Variants in CCDC60 observed in about 807,000 individuals in gnomAD.
CCDC60 encodes coiled-coil domain-containing protein 60.
In CCDC60, 54 loss-of-function variants were observed where a neutral mutation model predicts 63.5. The ratio of observed to expected loss-of-function variants is 0.85; its 90% CI spans 0.68 to 1.07. The LOEUF is 1.07. Among genes scored for constraint, CCDC60 ranks in the 50% least tolerant of loss-of-function variants. The pLI is 0.00. For missense variants in CCDC60, 651 were observed against 684.3 expected, an observed-to-expected ratio of 0.95 and a Z score of 0.54; for synonymous variants, 206 against 238.8, an observed-to-expected ratio of 0.86 and a Z score of 1.27.
intron 2 of CCDC60, among the ~76,000 whole-genome samples, chr12:119,445,118 G>GA (rs1950517978): frequency 6.6e-6 from 1 of 152,082 alleles, no homozygotes; most frequent in South Asian, 2.1e-4. Flanking sequence ...AATTTCCCAT[G>GA]AAAATGAGAA....
intron 7 of CCDC60, among the ~76,000 whole-genome samples, chr12:119,509,007 G>C (rs1254169133): frequency 6.6e-6 from 1 of 152,036 alleles, no homozygotes; most frequent in Non-Finnish European, 1.5e-5. Context: ...TTGCAATGAG[G>C]GGAGGGGTAA....
intron 1 of CCDC60, among the ~76,000 whole-genome samples, chr12:119,399,464 T>C (rs1381079164): frequency 6.6e-6 from 1 of 152,230 alleles, no homozygotes; most frequent in East Asian, 1.9e-4. Flanking sequence ...GGCCAATTTC[T>C]TTTTTTCCTT....
At chr12:119,433,365 G>A (rs772052198) in intron 2 of CCDC60, 12 of 700,774 alleles carry the variant, frequency 1.7e-5, no homozygotes, top group African/African-American at 5.2e-5. Flanking sequence ...GAGATTTAAC[G>A]TTCTGCTCGG....
chr12:119,342,716 A>G (rs1454556800), intron 1 of CCDC60, among the ~76,000 whole-genome samples: 1 of 152,230 alleles, frequency 6.6e-6, no homozygotes, highest in African/African-American at 2.4e-5. Flanking sequence ...TAGGCCAAGC[A>G]TGGTTATAGG....
chr12:119,421,637 C>G (rs1956815168), intron 1 of CCDC60, among the ~76,000 whole-genome samples: 1 of 152,116 alleles, frequency 6.6e-6, no homozygotes, highest in African/African-American at 2.4e-5. Flanking sequence ...TGGCATTAGT[C>G]CCATTTCACA....
chr12:119,523,612 A>AG (rs1416154828), intron 10 of CCDC60, 81 bp from the exon 11 acceptor site: 9 of 1,586,962 alleles, frequency 5.7e-6, no homozygotes, highest in South Asian at 2.3e-5. Flanking sequence ...CTTGGGGCTA[A>AG]GGGGGGCCAG....
intron 2 of CCDC60, among the ~76,000 whole-genome samples, chr12:119,464,448 G>A (rs1158396343): frequency 6.8e-6 from 1 of 146,120 alleles, no homozygotes; most frequent in Non-Finnish European, 1.5e-5. Context: ...TCTTTTTCCA[G>A]AGAAGAACCT....
At chr12:119,502,516 T>C (rs1036729335) in intron 6 of CCDC60, among the ~76,000 whole-genome samples, 1 of 152,208 alleles carries the variant, frequency 6.6e-6, no homozygotes, top group Non-Finnish European at 1.5e-5. Flanking sequence ...TTCAGTTCAA[T>C]AAAAGGCAAG....
At chr12:119,523,616 G>T (rs1952592172) in intron 10 of CCDC60, 77 bp from the exon 11 acceptor site, 1 of 1,591,286 alleles carries the variant, frequency 6.3e-7, no homozygotes, top group Admixed American at 1.7e-5. Context: ...GGGCTAAGGG[G>T]GGCCAGAGTG....
At chr12:119,461,586 T>G (rs537805086) in intron 2 of CCDC60, among the ~76,000 whole-genome samples, 2 of 152,218 alleles carry the variant, frequency 1.3e-5, no homozygotes, top group African/African-American at 2.4e-5. Flanking sequence ...CAACCCACCC[T>G]CTCCCATGCA....
At chr12:119,360,084 G>C (rs1476541826) in intron 1 of CCDC60, among the ~76,000 whole-genome samples, 7 of 151,728 alleles carry the variant, frequency 4.6e-5, no homozygotes, top group Non-Finnish European at 7.4e-5. Context: ...CGGGCAGAGG[G>C]GCTCCTCACT....
chr12:119,384,260 A>C (rs1024514610), intron 1 of CCDC60, among the ~76,000 whole-genome samples: 1 of 152,166 alleles, frequency 6.6e-6, no homozygotes, highest in East Asian at 1.9e-4. Flanking sequence ...GAGTGAAGGC[A>C]GAAAGGTGTC....
intron 5 of CCDC60, among the ~76,000 whole-genome samples, chr12:119,494,961 A>G (rs1041176900): frequency 1.3e-5 from 2 of 152,238 alleles, no homozygotes; most frequent in African/African-American, 4.8e-5. Context: ...AGCCTGGGCA[A>G]CAAAAGCAAA....
At chr12:119,526,238 C>A (rs1398955381) in intron 11 of CCDC60, among the ~76,000 whole-genome samples, 2 of 152,154 alleles carry the variant, frequency 1.3e-5, no homozygotes, top group Non-Finnish European at 2.9e-5. Context: ...AGACCCCTCC[C>A]TTACACCATA....
chr12:119,495,895 G>T (rs1167267491), intron 5 of CCDC60, among the ~76,000 whole-genome samples: 1 of 152,238 alleles, frequency 6.6e-6, no homozygotes, highest in African/African-American at 2.4e-5. Context: ...ATTGATGGGT[G>T]ATGTGCTAGT....
intron 1 of CCDC60, among the ~76,000 whole-genome samples, chr12:119,416,942 G>A (rs1252440909): frequency 6.6e-6 from 1 of 152,074 alleles, no homozygotes; most frequent in Non-Finnish European, 1.5e-5. Flanking sequence ...CCAACATGGT[G>A]AAACCCCATC....
intron 1 of CCDC60, among the ~76,000 whole-genome samples, chr12:119,419,863 A>G (rs1956777499): frequency 7.1e-6 from 1 of 140,758 alleles, no homozygotes; most frequent in South Asian, 2.3e-4. Flanking sequence ...GAGATGTTAA[A>G]TAATTCTTTT....
chr12:119,536,381 G>A (rs571059831), intron 13 of CCDC60, among the ~76,000 whole-genome samples: 1 of 152,254 alleles, frequency 6.6e-6, no homozygotes, highest in South Asian at 2.1e-4. Flanking sequence ...TTGCCAGTCT[G>A]TGTCTTTTAA....
At chr12:119,536,447 T>C (rs1953009144) in intron 13 of CCDC60, among the ~76,000 whole-genome samples, 1 of 152,230 alleles carries the variant, frequency 6.6e-6, no homozygotes, top group Non-Finnish European at 1.5e-5. Context: ...GTGAATTTGA[T>C]CCCGTCATTA....
Sources: gnomAD v4.1 joint callset for allele counts (sites outside exome capture counted in the v4.1 genomes callset) on GRCh38, gnomAD v4.1.1 for gene constraint, MANE v1.5 for transcripts, NCBI Gene and HGNC (gene_info 2026-07-23, HGNC 2026-07-21) for gene names.